CNTN1: variants seen among roughly 807,000 people sequenced by gnomAD.
CNTN1 encodes contactin-1.
A neutral mutation model predicts 126.4 loss-of-function variants in CNTN1; 38 were observed. The observed-to-expected ratio is 0.30, with a 90% CI of 0.23 to 0.39. CNTN1 has a LOEUF of 0.39. CNTN1 is among the 10% of genes least tolerant of loss of function. CNTN1 has a pLI of 1.00. For missense variants in CNTN1, 1,009 were observed against 1,248.4 expected (o/e 0.81, Z 2.89); for synonymous variants, 413 against 422.6 (o/e 0.98, Z 0.28).
At chr12:41,017,618 AC>A (rs1429854262) in intron 19 of CNTN1, among the ~76,000 whole-genome samples, 1 of 152,074 alleles carries the variant, frequency 6.6e-6, no homozygotes, top group Non-Finnish European at 1.5e-5. Flanking sequence ...TAGGAAAAAA[AC>A]AATGCTAATA....
intron 9 of CNTN1, among the ~76,000 whole-genome samples, chr12:40,936,206 T>C (rs2136927659): frequency 1.3e-5 from 2 of 152,188 alleles, no homozygotes; most frequent in Admixed American, 1.3e-4. Context: ...TGAGATCAAT[T>C]TTACCAATGC....
intron 16 of CNTN1, among the ~76,000 whole-genome samples, chr12:40,987,523 T>C (rs756556969): frequency 9.2e-5 from 14 of 152,140 alleles, no homozygotes; most frequent in Admixed American, 3.3e-4. Context: ...TGTGTGTGTA[T>C]GTAAGAAGAT....
intron 23 of CNTN1, among the ~76,000 whole-genome samples, chr12:41,068,977 C>T (rs1592493128): frequency 6.6e-6 from 1 of 152,068 alleles, no homozygotes; most frequent in Non-Finnish European, 1.5e-5. Context: ...AGCAATAGAA[C>T]AAGACCCTGT....
At chr12:40,876,836 G>A (rs1414335091) in intron 1 of CNTN1, among the ~76,000 whole-genome samples, 2 of 151,934 alleles carry the variant, frequency 1.3e-5, no homozygotes, top group African/African-American at 2.4e-5. Flanking sequence ...AAAACTTTTT[G>A]ATAGAAGAGC....
chr12:40,714,519 G>T (rs1028103094), intron 1 of CNTN1, among the ~76,000 whole-genome samples: 1 of 152,134 alleles, frequency 6.6e-6, no homozygotes, highest in Non-Finnish European at 1.5e-5. Context: ...CACAGAAATA[G>T]AGGTTGAGAT....
intron 1 of CNTN1, among the ~76,000 whole-genome samples, chr12:40,812,041 C>A (rs1251808104): frequency 1.3e-5 from 2 of 151,260 alleles, no homozygotes; most frequent in Admixed American, 6.6e-5. Flanking sequence ...CCATAACTGT[C>A]TCCTTAGAAC....
intron 1 of CNTN1, among the ~76,000 whole-genome samples, chr12:40,852,558 A>G (rs34588792): frequency 0.15 from 23,325 of 151,844 alleles, 1,790 homozygotes; most frequent in Middle Eastern, 0.21. Context: ...ATATTCTCTC[A>G]ATTCTAAATG....
rs977425039 is a variant in CNTN1 at position 40,700,542 on chromosome 12, T to A, written c.-77+7950T>A. ...CTCTGTCTCAAAATAAAAAAAAAAATAAAAAATAAACTGGATTTTCTTTGT... is the reference window on the plus strand; with the variant it reads ...CTCTGTCTCAAAATAAAAAAAAAAAAAAAAAATAAACTGGATTTTCTTTGT... On this transcript the variant is annotated intron_variant, in intron 1 of 23. Coordinates refer to ENST00000551295, the MANE Select transcript of CNTN1 (RefSeq NM_001843.4). 4.6e-5 allele frequency among the ~76,000 whole-genome samples: 7 copies of A among 151,624 alleles called. No homozygotes were observed. The South Asian group carries it at 1.5e-3, about 32-fold the overall frequency.
intron 1 of CNTN1, among the ~76,000 whole-genome samples, chr12:40,848,449 G>A (rs1260430632): frequency 6.6e-6 from 1 of 151,960 alleles, no homozygotes; most frequent in African/African-American, 2.4e-5. Context: ...CAATTTTTTT[G>A]GAAGTATTAG....
intron 21 of CNTN1, among the ~76,000 whole-genome samples, chr12:41,026,413 G>T (rs549478841): frequency 6.6e-6 from 1 of 152,320 alleles, no homozygotes; most frequent in South Asian, 2.1e-4. Context: ...CAAAAGTAAA[G>T]TGACTTAGAT....
At chr12:40,955,936 A>G (rs4767994) in intron 14 of CNTN1, among the ~76,000 whole-genome samples, 70,557 of 151,828 alleles carry the variant, frequency 0.46, 16,397 homozygotes, top group Admixed American at 0.5. Context: ...GAGAACACAT[A>G]GCAAAGTATA....
At chr12:40,927,330 G>A (rs1455770097) in intron 6 of CNTN1, among the ~76,000 whole-genome samples, 2 of 152,106 alleles carry the variant, frequency 1.3e-5, no homozygotes, top group African/African-American at 4.8e-5. Context: ...TTGAGTCCTT[G>A]AAAGAACTAG....
In CNTN1 at chr12:40,848,367, T is replaced by C. The variant is rs563119305; in HGVS notation, c.-76-59990T>C. 4.6e-5 allele frequency among the ~76,000 whole-genome samples: 7 copies of C among 152,328 alleles called. No individual in the cohort carries two copies. The East Asian group carries it at 5.8e-4, about 13-fold the overall frequency. Reference sequence around the variant, plus strand: ...AAATGGTACTGTGCTCTAGGCTAGATTATTAATTCCTTTCATATTGTTACC... The same window carrying C: ...AAATGGTACTGTGCTCTAGGCTAGACTATTAATTCCTTTCATATTGTTACC... On this transcript the variant is annotated intron_variant, in intron 1 of 23. Coordinates refer to ENST00000551295, the MANE Select transcript of CNTN1 (RefSeq NM_001843.4).
chr12:40,865,691 TA>T (rs1943272541), intron 1 of CNTN1, among the ~76,000 whole-genome samples: 1 of 152,088 alleles, frequency 6.6e-6, no homozygotes, highest in South Asian at 2.1e-4. Context: ...ATATGTCTAT[TA>T]TTACCAAGAC....
intron 1 of CNTN1, among the ~76,000 whole-genome samples, chr12:40,900,599 T>C (rs1446411193): frequency 1.3e-5 from 2 of 152,192 alleles, no homozygotes; most frequent in African/African-American, 4.8e-5. Context: ...AAAATGGAGA[T>C]AGTAATAATG....
At chr12:40,919,690 T>A (rs371105149) in intron 4 of CNTN1, among the ~76,000 whole-genome samples, 14 of 152,264 alleles carry the variant, frequency 9.2e-5, no homozygotes, top group African/African-American at 3.1e-4. Flanking sequence ...CAGTACTCAG[T>A]TTTTTCCTGC....
intron 23 of CNTN1, among the ~76,000 whole-genome samples, chr12:41,040,253 T>A (rs1300858479): frequency 3.3e-5 from 5 of 152,124 alleles, no homozygotes; most frequent in Non-Finnish European, 7.4e-5. Context: ...ATTTCTATAA[T>A]TGCTCAAAGC....
chr12:40,981,510 C>T (rs563553131), intron 16 of CNTN1, among the ~76,000 whole-genome samples: 1 of 152,240 alleles, frequency 6.6e-6, no homozygotes, highest in South Asian at 2.1e-4. Context: ...CCAAATCTTA[C>T]TACTATAACC....
At chr12:40,923,730 C>T (rs1280244215) in intron 5 of CNTN1, among the ~76,000 whole-genome samples, 1 of 152,016 alleles carries the variant, frequency 6.6e-6, no homozygotes, top group Non-Finnish European at 1.5e-5. Context: ...GTCAAGTAAG[C>T]TATTGAGGAT....
Sources: gnomAD v4.1 joint callset for allele counts (sites outside exome capture counted in the v4.1 genomes callset) on GRCh38, gnomAD v4.1.1 for gene constraint, MANE v1.5 for transcripts, NCBI Gene and HGNC (gene_info 2026-07-23, HGNC 2026-07-21) for gene names.